Variants in ULK4 observed in about 807,000 individuals in gnomAD.
ULK4 encodes the protein unc-51 like kinase 4, also known as inactive serine/threonine-protein kinase ULK4.
A neutral mutation model predicts 160.6 loss-of-function variants in ULK4; 133 were observed. The observed-to-expected ratio is 0.83, with a 90% CI of 0.72 to 0.96. The LOEUF (loss-of-function observed/expected upper bound fraction) is 0.96. Ranked by LOEUF, ULK4 falls within the 40% of genes least tolerant of loss-of-function variation. The pLI is 0.00. For synonymous variants in ULK4, 534 were observed against 539.8 expected, an observed-to-expected ratio of 0.99 and a Z score of 0.15; for missense variants, 1,580 against 1,499.5, an observed-to-expected ratio of 1.05 and a Z score of -0.89.
At chr3:41,388,536 T>C (rs1410203487) in intron 35 of ULK4, among the ~76,000 whole-genome samples, 2 of 152,094 alleles carry the variant, frequency 1.3e-5, no homozygotes, top group Non-Finnish European at 2.9e-5. Flanking sequence ...TAATCCATCT[T>C]GAATTAATTT....
chr3:41,537,632 A>G (rs1465611034), intron 32 of ULK4, among the ~76,000 whole-genome samples: 1 of 152,216 alleles, frequency 6.6e-6, no homozygotes, highest in Non-Finnish European at 1.5e-5. Context: ...AAAGAATTTT[A>G]AAAGGCAGTC....
chr3:41,547,684 C>T (rs1387148841), intron 32 of ULK4, among the ~76,000 whole-genome samples: 1 of 152,194 alleles, frequency 6.6e-6, no homozygotes, highest in Non-Finnish European at 1.5e-5. Context: ...ACCCAGCTCC[C>T]ACCATACTGC....
intron 27 of ULK4, among the ~76,000 whole-genome samples, chr3:41,689,048 C>T (rs919814216): frequency 6.6e-6 from 1 of 152,158 alleles, no homozygotes. Flanking sequence ...AAATGTTCCC[C>T]GAACCAATCA....
intron 12 of ULK4, among the ~76,000 whole-genome samples, chr3:41,901,169 C>CTTTTTTTTTTT (rs756499023): frequency 3.4e-4 from 33 of 95,744 alleles, no homozygotes; most frequent in South Asian, 1.3e-3. Flanking sequence ...AACAGCATGG[C>CTTTTTTTTTTT]TTCTTTTTTT....
chr3:41,844,433 G>A (rs11928723), intron 17 of ULK4, among the ~76,000 whole-genome samples: 11,263 of 152,216 alleles, frequency 0.074, 1,317 homozygotes, highest in African/African-American at 0.25. Context: ...CTCATTGCCC[G>A]GGGCCGGCAG....
At chr3:41,341,471 A>G (rs1457249542) in intron 35 of ULK4, among the ~76,000 whole-genome samples, 1 of 152,186 alleles carries the variant, frequency 6.6e-6, no homozygotes, top group Non-Finnish European at 1.5e-5. Context: ...CTTGGAATGC[A>G]TTTTGAATGG....
At position 41,776,666 on chromosome 3, in the gene ULK4, T is replaced by C. The variant is rs536480085; in HGVS notation, c.2193+12995A>G. 1.6e-4 allele frequency among the ~76,000 whole-genome samples: 18 copies of C among 112,638 alleles called. 2 individuals are homozygous for C. The highest frequency in any genetic ancestry group is 5.8e-4 in the African/African-American group (18 of 31,212). 73.9% of individuals were successfully genotyped at this position (112,638 alleles called of 152,430 possible). A position where few individuals can be genotyped will look rare whatever the true frequency, so the allele number is the denominator to read the frequency against. On this transcript the variant is annotated intron_variant, in intron 21 of 36. Coordinates refer to ENST00000301831, the MANE Select transcript of ULK4 (RefSeq NM_017886.4). ...AATTTTGTCAAAGGCTTTTTCTGCA[T>C]CTATTGAGATAATCATGTGGTTTTT...
At chr3:41,565,934 C>T (rs2087765130) in intron 32 of ULK4, 91 bp downstream of exon 32, 1 of 901,258 alleles carries the variant, frequency 1.1e-6, no homozygotes, top group East Asian at 2.8e-5. Context: ...GACTCATCAA[C>T]TTTAAGTGGT....
At chr3:41,615,946 A>T (rs1381284560) in intron 30 of ULK4, among the ~76,000 whole-genome samples, 2 of 152,234 alleles carry the variant, frequency 1.3e-5, no homozygotes, top group Non-Finnish European at 2.9e-5. Context: ...GTAGCAAGTG[A>T]AATCTCAAAT....
intron 22 of ULK4, among the ~76,000 whole-genome samples, chr3:41,742,991 C>T (rs1450882278): frequency 2.6e-5 from 4 of 151,696 alleles, no homozygotes; most frequent in African/African-American, 9.7e-5. Context: ...AACAAAATAA[C>T]TTACATTCAT....
intron 22 of ULK4, among the ~76,000 whole-genome samples, chr3:41,734,463 G>A (rs534820105): frequency 8.5e-5 from 13 of 152,208 alleles, no homozygotes; most frequent in African/African-American, 2.9e-4. Flanking sequence ...AATTGAATAC[G>A]TTAAGATAAT....
intron 31 of ULK4, among the ~76,000 whole-genome samples, chr3:41,599,554 ATTTTC>A (rs1432827442): frequency 3.6e-4 from 51 of 139,974 alleles, no homozygotes; most frequent in African/African-American, 1.4e-3. Flanking sequence ...CAGAAAAGGC[ATTTTC>A]TTTTTCTTTT....
Position 41,463,229 on chromosome 3 carries a change from A to G in ULK4, c.3251T>C (p.Leu1084Pro). The change falls in exon 33 of 37, where the codon CTG becomes CCG. Residue 1084 changes from leucine (L) to proline (P), a missense_variant. Physicochemically the swap from Leu to Pro is moderately conservative, Grantham distance 98 (BLOSUM62 -3). Transcript: ENST00000301831. ...EQGLVSHICN[L>P]LTETATLCLD... ...GCACAGTGTGGCAGTTTCAGTGAGCAGGTTACAGATGTGACTGACAAGTCC... is the reference window on the plus strand; with the variant it reads ...GCACAGTGTGGCAGTTTCAGTGAGCGGGTTACAGATGTGACTGACAAGTCC... The G allele has an allele frequency of 6.2e-7, 1 of 1,613,642 alleles. No homozygotes were observed. Among genetic ancestry groups the G allele is most frequent in the Non-Finnish European group, 8.5e-7 (1 of 1,179,676 alleles).
intron 17 of ULK4, among the ~76,000 whole-genome samples, chr3:41,867,283 C>T (rs1407779562): frequency 2.6e-5 from 4 of 152,178 alleles, no homozygotes; most frequent in Non-Finnish European, 4.4e-5. Context: ...CCAGCAGCAT[C>T]AAAAGCCACA....
intron 21 of ULK4, among the ~76,000 whole-genome samples, chr3:41,759,131 G>C (rs1314202491): frequency 6.6e-6 from 1 of 152,072 alleles, no homozygotes; most frequent in East Asian, 1.9e-4. Context: ...AGAAAGCAAG[G>C]ATGTTCATTC....
intron 30 of ULK4, among the ~76,000 whole-genome samples, chr3:41,634,087 G>T (rs2033856785): frequency 6.6e-6 from 1 of 152,222 alleles, no homozygotes; most frequent in Non-Finnish European, 1.5e-5. Flanking sequence ...AACAGGAAAT[G>T]AAAGGGAGCT....
chr3:41,468,344 C>T lies in ULK4; in HGVS notation c.3227-5091G>A, dbSNP rs567081838. ...TCAAAGACTGAGGGTCGAGTAAGTC[C>T]CAAACAGGGGCAAGGATTTACAGAG... On this transcript the variant is annotated intron_variant, in intron 32 of 36. Coordinates refer to ENST00000301831, the MANE Select transcript of ULK4 (RefSeq NM_017886.4). Among the ~76,000 whole-genome samples the T allele has an allele frequency of 6.6e-5, 10 of 152,074 alleles. No homozygotes were observed. In the South Asian group the frequency reaches 2.1e-3, roughly 32 times the overall value.
rs572190805 is a variant in ULK4 at position 41,836,318 on chromosome 3, G to A, written c.1657-347C>T. Among the ~76,000 whole-genome samples, 200 of 152,060 alleles carry A rather than the reference G, an allele frequency of 1.3e-3. 1 individual carries two copies. The highest frequency in any genetic ancestry group is 2.2e-3 in the Non-Finnish European group (149 of 67,992). ...CTCCCGAGTAGCTGGGATTACAAGC[G>A]CACGCCACCAAGTCCGGCTAATTTT... On this transcript the variant is annotated intron_variant, in intron 17 of 36. Coordinates refer to ENST00000301831, the MANE Select transcript of ULK4 (RefSeq NM_017886.4).
In ULK4 at chr3:41,592,815, C is replaced by A. The variant is rs528304841; in HGVS notation, c.3120+22854G>T. ...ATACAAAGTGAGTATCTTATCTATG[C>A]CTTGGGGAACTGCCATACTCCTAAA... On this transcript the variant is annotated intron_variant, in intron 31 of 36. Transcript: ENST00000301831. 1.7e-4 allele frequency among the ~76,000 whole-genome samples: 26 copies of A among 152,234 alleles called. No individual in the cohort carries two copies. In the South Asian group the frequency reaches 3.5e-3, roughly 21 times the overall value.
Sources: allele counts gnomAD v4.1 joint callset (sites outside exome capture counted in the v4.1 genomes callset), GRCh38; gene constraint gnomAD v4.1.1; transcripts MANE v1.5; gene names NCBI Gene and HGNC (gene_info 2026-07-23, HGNC 2026-07-21).